Variants in KDM5B observed in about 807,000 individuals in gnomAD.
The protein encoded by KDM5B is lysine demethylase 5B.
In KDM5B, 144 loss-of-function variants were observed where a neutral mutation model predicts 193.4. The ratio of observed to expected loss-of-function variants is 0.74; its 90% CI spans 0.65 to 0.86. KDM5B has a LOEUF of 0.86. KDM5B is among the 40% of genes least tolerant of loss of function. KDM5B has a pLI of 0.00. For synonymous variants in KDM5B, 668 were observed against 682.6 expected (o/e 0.98, Z 0.33); for missense variants, 1,833 against 1,886.9 (o/e 0.97, Z 0.53).
At chr1:202,748,405 G>C (rs1161139782) in intron 14 of KDM5B, among the ~76,000 whole-genome samples, 1 of 151,606 alleles carries the variant, frequency 6.6e-6, no homozygotes, top group Admixed American at 6.6e-5. Flanking sequence ...TAACAAACTG[G>C]ACTTCATCAA....
At chr1:202,782,395 T>C (rs1213983692) in intron 1 of KDM5B, among the ~76,000 whole-genome samples, 1 of 152,202 alleles carries the variant, frequency 6.6e-6, no homozygotes, top group African/African-American at 2.4e-5. Context: ...AGATGAGGTC[T>C]CGCTATGTTG....
At chr1:202,792,283 CTA>C (rs1190639023) in intron 1 of KDM5B, among the ~76,000 whole-genome samples, 2 of 148,152 alleles carry the variant, frequency 1.3e-5, no homozygotes, top group African/African-American at 5.0e-5. Flanking sequence ...TATTAGCTGC[CTA>C]AACCTGTCAT....
Position 202,725,412 on chromosome 1 carries a change from A to C in KDM5B, c.*3624T>G, listed in dbSNP as rs1039262888. On this transcript the variant is annotated 3_prime_UTR_variant, in exon 27 of 27. Transcript: ENST00000367265. ...TAGGCAGCTTTTCAGTAACATTTCT[A>C]TAATAAGTTACACATGAAGCCTCCC... The C allele has an allele frequency of 1.3e-5, 2 of 152,120 alleles. No individual in the cohort carries two copies. Among genetic ancestry groups the C allele is most frequent in the Non-Finnish European group, 2.9e-5 (2 of 67,960 alleles). 9.4% of individuals were successfully genotyped at this position (152,120 alleles called of 1,614,324 possible).
rs1658078723 is a variant in KDM5B at position 202,801,634 on chromosome 1, C to CTATTTTATTTAAAATTA, written c.204+6467_204+6468insTAATTTTAAATAAAATA. Among the ~76,000 whole-genome samples, 12 of 151,928 alleles carry CTATTTTATTTAAAATTA rather than the reference C, an allele frequency of 7.9e-5. No individual in the cohort carries two copies. In the South Asian group the frequency reaches 2.5e-3, roughly 32 times the overall value. On this transcript the variant is annotated intron_variant, in intron 1 of 26. Transcript: ENST00000367265. Reference sequence around the variant, plus strand: ...TAATTTTTCATTTAATTTTTATTTACAATTTTCATTTAATTTTCATATTAA... The same window carrying CTATTTTATTTAAAATTA: ...TAATTTTTCATTTAATTTTTATTTACTATTTTATTTAAAATTAAATTTTCATTTAATTTTCATATTAA...
chr1:202,750,619 C>T, intron 13 of KDM5B, 40 bp downstream of exon 13: 1 of 1,599,824 alleles, frequency 6.3e-7, no homozygotes, highest in Non-Finnish European at 8.5e-7. Flanking sequence ...TCAGGAAAAA[C>T]AATAAATTTG....
chr1:202,741,717 G>C lies in KDM5B; in HGVS notation c.2595C>G (p.Leu865=), dbSNP rs373617043. 2.5e-6 allele frequency: 4 copies of C among 1,581,906 alleles called. No homozygotes were observed. The African/African-American group carries it at 5.4e-5, about 21-fold the overall frequency. Residue 865 remains leucine, a synonymous_variant, in exon 19 of 27, where the codon CTC becomes CTG. Coordinates refer to ENST00000367265, the MANE Select transcript of KDM5B (RefSeq NM_006618.5). ...VLSQTPLLKD[L]LNRVEDFQQH... ...GTTGAAAATCTTCTACACGATTCAA[G>C]AGATCCTAAAAAAAAATACACAGGT... is the stretch of plus-strand genomic sequence containing the variant.
intron 25 of KDM5B, 31 bp downstream of exon 25, chr1:202,730,878 G>T: frequency 6.4e-7 from 1 of 1,560,938 alleles, no homozygotes; most frequent in Non-Finnish European, 8.7e-7. Context: ...CCCAGACTGT[G>T]CCTTGCCCCA....
In KDM5B at chr1:202,808,256, AG is replaced by A; in HGVS notation, c.49del (p.Leu17SerfsTer39). 1 of 1,610,462 alleles carries A rather than the reference AG, an allele frequency of 6.2e-7. No individual in the cohort carries two copies. The highest frequency in any genetic ancestry group is 8.5e-7 in the Non-Finnish European group (1 of 1,178,928). ...CTCGCCCAGCGGGCCCGGGCCCCCG[AG>A]GGGCAGCGCCGGGCGCGGGCCTGGG... is the stretch of plus-strand genomic sequence containing the variant. Reference protein sequence around the residue: ...LHPGPRPALPLGGPGPLGEFL... With the variant: ...LHPGPRPALPXGGPGPLGEFL... On this transcript the variant is annotated frameshift_variant, in exon 1 of 27. Coordinates refer to ENST00000367265, the MANE Select transcript of KDM5B (RefSeq NM_006618.5). LOFTEE classifies it high-confidence loss of function.
chr1:202,789,213 T>C (rs2102326603), intron 1 of KDM5B, among the ~76,000 whole-genome samples: 1 of 152,228 alleles, frequency 6.6e-6, no homozygotes, highest in East Asian at 1.9e-4. Flanking sequence ...ATGACACATT[T>C]GCAATAGTAT....
chr1:202,765,586 T>C (rs1043867383), intron 5 of KDM5B, among the ~76,000 whole-genome samples: 1 of 152,112 alleles, frequency 6.6e-6, no homozygotes, highest in Non-Finnish European at 1.5e-5. Context: ...GATTCATAGA[T>C]TAATTTACTT....
Position 202,745,977 on chromosome 1 carries a change from C to T in KDM5B, c.2204G>A (p.Arg735Lys). 6.2e-7 allele frequency: 1 copy of T among 1,613,858 alleles called. No individual in the cohort carries two copies. Among genetic ancestry groups the T allele is most frequent in the South Asian group, 1.1e-5 (1 of 91,052 alleles). ...AGGGTAGAGATCATCCAGCGTGTAC[C>T]TATACCTGGAAATAATACCACCACA... The part of the protein sequence containing the change: ...CPPYKYKLRY[R>K]YTLDDLYPMM... The change falls in exon 16 of 27, where the codon AGG becomes AAG. Residue 735 changes from arginine (R) to lysine (K), a missense_variant. This residue lies in a region of KDM5B where 1,379 missense variants were observed against 1,349.6 expected (regional missense o/e 1.02). Transcript: ENST00000367265.
rs1558479577 is a variant in KDM5B at position 202,733,385 on chromosome 1, G to C, written c.3909+16C>G. The C allele has an allele frequency of 1.2e-6, 2 of 1,605,568 alleles. No individual in the cohort carries two copies. Among genetic ancestry groups the C allele is most frequent in the Admixed American group, 3.4e-5 (2 of 59,516 alleles). On this transcript the variant is annotated intron_variant, in intron 23 of 26. Coordinates refer to ENST00000367265, the MANE Select transcript of KDM5B (RefSeq NM_006618.5). ...TTGCAAATTCCAATAACCCAACAAG[G>C]AAAGTCCAGATTCACCTTGTTTGTG... is the stretch of plus-strand genomic sequence containing the variant.
intron 16 of KDM5B, among the ~76,000 whole-genome samples, chr1:202,744,512 C>G (rs1655473258): frequency 6.6e-6 from 1 of 152,040 alleles, no homozygotes; most frequent in Non-Finnish European, 1.5e-5. Context: ...GAGCCGAGAT[C>G]GCACCACTGC....
At chr1:202,756,302 C>A in intron 10 of KDM5B, 56 bp downstream of exon 10, 1 of 1,434,028 alleles carries the variant, frequency 7.0e-7, no homozygotes, top group South Asian at 1.4e-5. Flanking sequence ...TTACTTCAAG[C>A]CAACCAAACA....
intron 4 of KDM5B, among the ~76,000 whole-genome samples, chr1:202,770,455 T>C (rs1007160778): frequency 5.3e-5 from 8 of 152,316 alleles, no homozygotes; most frequent in Admixed American, 5.2e-4. Flanking sequence ...GTATATGTTC[T>C]TCAATTCTTC....
chr1:202,769,039 T>C (rs1440950643), intron 4 of KDM5B, among the ~76,000 whole-genome samples: 2 of 146,212 alleles, frequency 1.4e-5, no homozygotes, highest in Non-Finnish European at 3.0e-5. Context: ...TCTTTTTTTT[T>C]CTTTTTTTTT....
intron 8 of KDM5B, among the ~76,000 whole-genome samples, chr1:202,760,108 T>G (rs1402588850): frequency 6.6e-6 from 1 of 151,844 alleles, no homozygotes; most frequent in African/African-American, 2.4e-5. Flanking sequence ...AGCTTAGGAG[T>G]TCGAGACCAG....
intron 4 of KDM5B, among the ~76,000 whole-genome samples, chr1:202,770,779 A>G (rs1656680450): frequency 1.3e-5 from 2 of 152,226 alleles, no homozygotes; most frequent in Non-Finnish European, 1.5e-5. Flanking sequence ...AACAGGTGGA[A>G]GGATCAGGAG....
chr1:202,748,561 C>G (rs895423194), intron 14 of KDM5B, among the ~76,000 whole-genome samples: 12 of 151,112 alleles, frequency 7.9e-5, no homozygotes, highest in African/African-American at 2.9e-4. Context: ...TTACAAAAAC[C>G]AAATGTTTTA....
Sources: allele counts gnomAD v4.1 joint callset (sites outside exome capture counted in the v4.1 genomes callset), GRCh38; gene constraint gnomAD v4.1.1; regional missense constraint gnomAD v4.1.1; transcripts MANE v1.5; gene names NCBI Gene and HGNC (gene_info 2026-07-23, HGNC 2026-07-21).